Variants in KIF1A observed in about 807,000 individuals in gnomAD.
The protein encoded by KIF1A is kinesin-like protein KIF1A.
In KIF1A, 46 loss-of-function variants were observed where a neutral mutation model predicts 227.3. That is an observed-to-expected ratio of 0.20 (90% CI 0.16 to 0.26). The LOEUF is 0.26. Ranked by LOEUF, KIF1A falls within the 10% of genes least tolerant of loss-of-function variation. The pLI is 1.00. For synonymous variants in KIF1A, 1,022 were observed against 1,012.8 expected, an observed-to-expected ratio of 1.01 and a Z score of -0.17; for missense variants, 1,683 against 2,485.9, an observed-to-expected ratio of 0.68 and a Z score of 6.87.
chr2:240,781,646 C>T (rs1464698024), intron 10 of KIF1A: 2 of 595,656 alleles, frequency 3.4e-6, no homozygotes, highest in Non-Finnish European at 4.2e-6. Flanking sequence ...CAGTTCACTC[C>T]GCTCCACACA....
intron 2 of KIF1A, among the ~76,000 whole-genome samples, chr2:240,791,856 C>A (rs1427729755): frequency 1.3e-5 from 2 of 152,030 alleles, no homozygotes; most frequent in African/African-American, 4.8e-5. Context: ...CCTGGGCCCC[C>A]ACCCCTCCCA....
chr2:240,740,128 C>G lies in KIF1A; in HGVS notation c.3831G>C (p.Arg1277=). 6.3e-7 allele frequency: 1 copy of G among 1,590,004 alleles called. No individual in the cohort carries two copies. The highest frequency in any genetic ancestry group is 8.6e-7 in the Non-Finnish European group (1 of 1,168,676). Residue 1277 remains arginine (R), a synonymous_variant, in exon 37 of 49, where the codon CGG becomes CGC. Coordinates refer to ENST00000498729, the MANE Select transcript of KIF1A (RefSeq NM_001244008.2). This position sits in a 1 kb window ranked among gnomAD's most constrained non-coding sequence, Gnocchi z 6.1. ...TFLLHQGIQR[R]ITVTLLHETG... is the part of the protein sequence containing the mutation. ...TCTCATGCAGTAGTGTCACCGTAAT[C>G]CGTCGCTGGATGCCCTGCCGGTGCC...
chr2:240,812,976 G>A (rs1439690772), intron 1 of KIF1A, among the ~76,000 whole-genome samples: 599 of 141,246 alleles, frequency 4.2e-3, no homozygotes, highest in Admixed American at 5.6e-3. Flanking sequence ...TTCACCTCGG[G>A]GATCCGCCTT....
chr2:240,814,666 C>T (rs1010938915), intron 1 of KIF1A, among the ~76,000 whole-genome samples: 2 of 152,204 alleles, frequency 1.3e-5, no homozygotes, highest in Non-Finnish European at 2.9e-5. Flanking sequence ...GTGGCTCATA[C>T]CTAAAATCCC....
intron 48 of KIF1A, 139 bp downstream of exon 48, chr2:240,717,911 C>A: frequency 1.4e-6 from 1 of 694,588 alleles, no homozygotes; most frequent in Non-Finnish European, 2.6e-6. Context: ...TGAATGGTCC[C>A]CGCCAGGAGG....
Position 240,763,144 on chromosome 2 carries a change from T to C in KIF1A, c.1949+22A>G, listed in dbSNP as rs11688298. 1.9e-6 allele frequency: 3 copies of C among 1,603,524 alleles called. No homozygotes were observed. In the South Asian group the frequency reaches 3.3e-5, roughly 18 times the overall value. ...GGAGGGCAGGAGGGGCAGCAGGCAG[T>C]TGGGGGTGGCCTCCGCCTCACCTCT... On this transcript the variant is annotated intron_variant, in intron 21 of 48. Coordinates refer to ENST00000498729, the MANE Select transcript of KIF1A (RefSeq NM_001244008.2).
chr2:240,816,958 G>A (rs1032497473), intron 1 of KIF1A, among the ~76,000 whole-genome samples: 1 of 152,232 alleles, frequency 6.6e-6, no homozygotes, highest in African/African-American at 2.4e-5. Context: ...CCTGGGGGTG[G>A]GGGCACTGGG....
intron 23 of KIF1A, 36 bp from the exon 24 acceptor site, chr2:240,761,413 G>C (rs1260874356): frequency 6.5e-7 from 1 of 1,537,116 alleles, no homozygotes. Context: ...ATCGCAGGAA[G>C]GCCATGACCC....
rs1057519241 is a variant in KIF1A at position 240,786,441 on chromosome 2, C to T, written c.502G>A (p.Val168Met). The change falls in exon 6 of 49, where the codon GTG (valine) becomes ATG (methionine). Residue 168 changes from valine to methionine, a missense_variant. By Grantham distance (21) the Val-to-Met change is conservative. Coordinates refer to ENST00000498729, the MANE Select transcript of KIF1A (RefSeq NM_001244008.2). The stretch of plus-strand genomic sequence containing the variant: ...GGCCCCAGCAGTGGGTGCTCCCTCA[C>T]GCGAAGGTTGCCCTTGTTCTTGGGG... Reference protein sequence around the residue: ...LNPKNKGNLRVREHPLLGPYV... With the variant: ...LNPKNKGNLRMREHPLLGPYV... 4 of 1,613,542 alleles carry T rather than the reference C, an allele frequency of 2.5e-6. No individual in the cohort carries two copies. The African/African-American group carries it at 5.3e-5, about 22-fold the overall frequency.
chr2:240,723,557 C>G lies in KIF1A; in HGVS notation c.4320G>C (p.Gly1440=), dbSNP rs1488073041. The G allele has an allele frequency of 6.5e-7, 1 of 1,534,116 alleles. No homozygotes were observed. Among genetic ancestry groups the G allele is most frequent in the South Asian group, 1.2e-5 (1 of 83,288 alleles). The change falls in exon 42 of 49, where the codon GGG becomes GGC. Residue 1440 remains glycine (G), a splice_region_variant and synonymous_variant. Transcript: ENST00000498729. ...LCHVADAGSP[G]MQRRRRRVLD... is the part of the protein sequence containing the mutation. ...GGACTCGTCGGCGCCGGCGCTGCAT[C>G]CCTGCATGGGGCACGTGGACATTCC... is the stretch of plus-strand genomic sequence containing the variant.
At chr2:240,796,913 C>CTCGGG in intron 2 of KIF1A, among the ~76,000 whole-genome samples, 2 of 152,206 alleles carry the variant, frequency 1.3e-5, no homozygotes, top group African/African-American at 2.4e-5. Flanking sequence ...CCCCCCTCCC[C>CTCGGG]ACCTGGTAGA....
Position 240,785,119 on chromosome 2 carries a change from C to G in KIF1A, c.609-19G>C, listed in dbSNP as rs375480474. On this transcript the variant is annotated intron_variant, in intron 6 of 48. Coordinates refer to ENST00000498729, the MANE Select transcript of KIF1A (RefSeq NM_001244008.2). Reference sequence around the variant, plus strand: ...CACGGTCCTGAGGAGCAGAAAGCCACGCACGGTTACCCCTCGTCCTGTGGC... The same window carrying G: ...CACGGTCCTGAGGAGCAGAAAGCCAGGCACGGTTACCCCTCGTCCTGTGGC... The G allele has an allele frequency of 6.3e-7, 1 of 1,596,652 alleles. No individual in the cohort carries two copies. Among genetic ancestry groups the G allele is most frequent in the Non-Finnish European group, 8.6e-7 (1 of 1,166,680 alleles).
At chr2:240,727,042 G>A (rs557817994) in intron 38 of KIF1A, 102 bp from the exon 39 acceptor site, 30 of 668,854 alleles carry the variant, frequency 4.5e-5, no homozygotes, top group South Asian at 6.4e-5. Context: ...AGGGGCAGCC[G>A]CAAGGGAGCG....
chr2:240,791,310 G>A (rs866293174), intron 2 of KIF1A, among the ~76,000 whole-genome samples: 4 of 152,128 alleles, frequency 2.6e-5, no homozygotes, highest in Admixed American at 6.5e-5. Context: ...AGCACAGCCC[G>A]GCTGGGCCTC....
intron 10 of KIF1A, among the ~76,000 whole-genome samples, chr2:240,780,488 C>A (rs919966037): frequency 2.0e-5 from 3 of 152,110 alleles, no homozygotes; most frequent in Non-Finnish European, 2.9e-5. Flanking sequence ...CAGTTCCCCA[C>A]GCAATTCCTC....
intron 15 of KIF1A, among the ~76,000 whole-genome samples, chr2:240,770,412 C>A (rs1559513309): frequency 1.3e-5 from 2 of 152,116 alleles, no homozygotes; most frequent in African/African-American, 4.8e-5. Flanking sequence ...GGAACCTGCA[C>A]CACACTCACT....
chr2:240,811,488 C>A (rs554946756), intron 1 of KIF1A, among the ~76,000 whole-genome samples: 1 of 152,262 alleles, frequency 6.6e-6, no homozygotes, highest in South Asian at 2.1e-4. Context: ...TGGCTGATGG[C>A]AGAAGGCAAA....
At chr2:240,812,468 CA>C (rs1402484491) in intron 1 of KIF1A, among the ~76,000 whole-genome samples, 1 of 152,188 alleles carries the variant, frequency 6.6e-6, no homozygotes, top group Non-Finnish European at 1.5e-5. Flanking sequence ...GCCTTCACCT[CA>C]GGGGCCCGCC....
Position 240,778,717 on chromosome 2 carries a change from A to C in KIF1A, c.883-2791T>G. Among the ~76,000 whole-genome samples the C allele has an allele frequency of 7.1e-6, 1 of 140,790 alleles. No individual in the cohort carries two copies. The highest frequency in any genetic ancestry group is 2.7e-5 in the African/African-American group (1 of 36,622). The allele number at this position is 140,790 out of a possible 152,430, so 92.4% of individuals were successfully genotyped here. ...CGCAGCTTCCCATCCAGCTCCTCAC[A>C]CTCCCCGACAACCCCTCGCACACGT... On this transcript the variant is annotated intron_variant, in intron 10 of 48. Coordinates refer to ENST00000498729, the MANE Select transcript of KIF1A (RefSeq NM_001244008.2). The surrounding 1 kb of genome is among the most constrained non-coding windows in gnomAD (Gnocchi z 7.2).
Sources: allele counts gnomAD v4.1 joint callset (sites outside exome capture counted in the v4.1 genomes callset), GRCh38; gene constraint gnomAD v4.1.1; non-coding constraint Gnocchi (gnomAD v3.1); transcripts MANE v1.5; gene names NCBI Gene and HGNC (gene_info 2026-07-23, HGNC 2026-07-21).